Variants in CNTNAP2 observed in about 807,000 individuals in gnomAD.
CNTNAP2 encodes contactin associated protein 2, also known as contactin-associated protein-like 2.
CNTNAP2 carries 98 observed loss-of-function variants against 155.2 expected under a neutral mutation model. That is an observed-to-expected ratio of 0.63 (90% CI 0.54 to 0.75). CNTNAP2 has a LOEUF of 0.75. Ranked by LOEUF, CNTNAP2 falls within the 30% of genes least tolerant of loss-of-function variation. The pLI, the probability that CNTNAP2 is intolerant of heterozygous loss-of-function variation, is 0.00. For synonymous variants in CNTNAP2, 651 were observed against 631.2 expected (o/e 1.03, Z -0.47); for missense variants, 1,727 against 1,688.1 (o/e 1.02, Z -0.40).
At chr7:147,128,998 T>C (rs760498724) in intron 7 of CNTNAP2, among the ~76,000 whole-genome samples, 162 bp downstream of exon 7, 1 of 152,218 alleles carries the variant, frequency 6.6e-6, no homozygotes, top group Admixed American at 6.5e-5. Context: ...TTAGTATAGA[T>C]ACTTGCTATT....
At chr7:148,038,867 G>T (rs1479106479) in intron 15 of CNTNAP2, among the ~76,000 whole-genome samples, 3 of 146,762 alleles carry the variant, frequency 2.0e-5, no homozygotes, top group South Asian at 4.2e-4. Flanking sequence ...TGGATGGATG[G>T]ATGGATAGAT....
At chr7:147,855,317 G>A (rs1011896855) in intron 13 of CNTNAP2, among the ~76,000 whole-genome samples, 4 of 152,094 alleles carry the variant, frequency 2.6e-5, no homozygotes, top group African/African-American at 9.7e-5. Flanking sequence ...TTCTGAGCCT[G>A]AACTTAAGTG....
At chr7:146,161,321 A>T (rs1411089876) in intron 1 of CNTNAP2, among the ~76,000 whole-genome samples, 5 of 152,204 alleles carry the variant, frequency 3.3e-5, no homozygotes, top group African/African-American at 1.2e-4. Context: ...CACCACTCCT[A>T]TTCAACATAT....
At chr7:148,164,611 CTTTTTTTT>C (rs1175888434) in intron 17 of CNTNAP2, among the ~76,000 whole-genome samples, 2 of 93,490 alleles carry the variant, frequency 2.1e-5, no homozygotes, top group African/African-American at 5.6e-5. Context: ...TTTTCTCTCT[CTTTTTTTT>C]TTTTTTTTTT....
intron 9 of CNTNAP2, among the ~76,000 whole-genome samples, chr7:147,369,798 T>C (rs1056724287): frequency 7.9e-5 from 12 of 152,202 alleles, no homozygotes; most frequent in African/African-American, 2.9e-4. Flanking sequence ...TTGCAGCATA[T>C]CTCTAATTGG....
At chr7:146,603,070 G>A (rs1342960279) in intron 1 of CNTNAP2, among the ~76,000 whole-genome samples, 1 of 151,480 alleles carries the variant, frequency 6.6e-6, no homozygotes, top group Non-Finnish European at 1.5e-5. Flanking sequence ...TTACAGAAAT[G>A]TACAAGTAAA....
At chr7:146,648,340 C>A (rs1185134347) in intron 1 of CNTNAP2, among the ~76,000 whole-genome samples, 1 of 152,096 alleles carries the variant, frequency 6.6e-6, no homozygotes, top group Non-Finnish European at 1.5e-5. Flanking sequence ...CGTTTTCAAA[C>A]TTTATAAGGA....
At chr7:147,582,397 C>T (rs1198092115) in intron 12 of CNTNAP2, among the ~76,000 whole-genome samples, 1 of 151,988 alleles carries the variant, frequency 6.6e-6, no homozygotes, top group Non-Finnish European at 1.5e-5. Context: ...AGGTTGCAGC[C>T]CCAAACTCTG....
chr7:147,829,686 A>G (rs1798517927), intron 13 of CNTNAP2, among the ~76,000 whole-genome samples: 2 of 152,168 alleles, frequency 1.3e-5, no homozygotes, highest in African/African-American at 4.8e-5. Context: ...TGAACACTCT[A>G]CTACTTTCCA....
intron 13 of CNTNAP2, among the ~76,000 whole-genome samples, chr7:147,695,835 G>A (rs1302618432): frequency 1.3e-5 from 2 of 151,998 alleles, no homozygotes; most frequent in African/African-American, 4.8e-5. Flanking sequence ...TTTTTAAAAA[G>A]TATATTTACA....
At chr7:146,894,245 C>T (rs1795834094) in intron 3 of CNTNAP2, among the ~76,000 whole-genome samples, 1 of 152,140 alleles carries the variant, frequency 6.6e-6, no homozygotes, top group Non-Finnish European at 1.5e-5. Context: ...CATAGTAATG[C>T]CTTAGAAATA....
At position 147,108,362 on chromosome 7, in the gene CNTNAP2, C is replaced by A; in HGVS notation, c.754+12C>A. The stretch of plus-strand genomic sequence containing the variant: ...CAGTTTAAACTTAGGTGTGTTCTGA[C>A]TGTCAGTTCTATTCTTTCCGTTATG... On this transcript the variant is annotated intron_variant, in intron 5 of 23. Transcript: ENST00000361727. The A allele has an allele frequency of 1.2e-6, 2 of 1,608,252 alleles. No individual in the cohort carries two copies. The highest frequency in any genetic ancestry group is 2.2e-5 in the East Asian group (1 of 44,784).
At chr7:146,498,083 A>AT (rs1203903215) in intron 1 of CNTNAP2, among the ~76,000 whole-genome samples, 18 of 152,264 alleles carry the variant, frequency 1.2e-4, no homozygotes, top group Middle Eastern at 3.4e-3. Context: ...GTCTGTGTAG[A>AT]TAAAGCATTA....
chr7:147,017,231 G>A (rs1254692291), intron 3 of CNTNAP2, among the ~76,000 whole-genome samples: 4 of 150,656 alleles, frequency 2.7e-5, no homozygotes, highest in African/African-American at 7.3e-5. Flanking sequence ...TCCCAACATC[G>A]CCATTTATTT....
chr7:146,636,616 A>G (rs1262729164), intron 1 of CNTNAP2, among the ~76,000 whole-genome samples: 3 of 152,246 alleles, frequency 2.0e-5, no homozygotes, highest in Admixed American at 6.5e-5. Flanking sequence ...ATAATTGTCC[A>G]GTATGCAACT....
At position 147,765,673 on chromosome 7, in the gene CNTNAP2, G is replaced by A. The variant is rs182994062; in HGVS notation, c.2098+126367G>A. Among the ~76,000 whole-genome samples, 88 of 152,016 alleles carry A rather than the reference G, an allele frequency of 5.8e-4. 1 individual carries two copies. The highest frequency in any genetic ancestry group is 3.4e-3 in the Middle Eastern group (1 of 294). On this transcript the variant is annotated intron_variant, in intron 13 of 23. Coordinates refer to ENST00000361727, the MANE Select transcript of CNTNAP2 (RefSeq NM_014141.6). ...ACTTTGAGAAACCATTTATGATTGC[G>A]TATAAAGTAAAAAAAACATGTGGTT...
At chr7:147,177,052 T>C (rs1802363890) in intron 8 of CNTNAP2, among the ~76,000 whole-genome samples, 1 of 146,008 alleles carries the variant, frequency 6.8e-6, no homozygotes, top group South Asian at 2.1e-4. Flanking sequence ...TAGAATTATA[T>C]TCTGTATAAT....
chr7:147,020,254 T>C (rs1335385855), intron 3 of CNTNAP2, among the ~76,000 whole-genome samples: 2 of 152,188 alleles, frequency 1.3e-5, no homozygotes, highest in Non-Finnish European at 2.9e-5. Context: ...TTAAAAATAT[T>C]TAATAGAATC....
chr7:148,009,636 A>T (rs1045194370), intron 15 of CNTNAP2, among the ~76,000 whole-genome samples: 1 of 151,996 alleles, frequency 6.6e-6, no homozygotes, highest in Non-Finnish European at 1.5e-5. Context: ...TTGTGTGTGT[A>T]TGTGTATGTG....
Sources: gnomAD v4.1 joint callset for allele counts (sites outside exome capture counted in the v4.1 genomes callset) on GRCh38, gnomAD v4.1.1 for gene constraint, MANE v1.5 for transcripts, NCBI Gene and HGNC (gene_info 2026-07-23, HGNC 2026-07-21) for gene names.